PRDM2: variants seen among roughly 807,000 people sequenced by gnomAD.
The protein encoded by PRDM2 is PR/SET domain 2.
In PRDM2, 30 loss-of-function variants were observed where a neutral mutation model predicts 130.0. The observed-to-expected ratio is 0.23, with a 90% CI of 0.17 to 0.31. PRDM2 has a LOEUF of 0.31. Among genes scored for constraint, PRDM2 ranks in the 10% least tolerant of loss-of-function variants. The probability of loss-of-function intolerance (pLI) is 1.00; values close to 1 mark genes in which losing one functional copy is unlikely to be tolerated. For missense variants in PRDM2, 2,011 were observed against 2,108.4 expected, an observed-to-expected ratio of 0.95 and a Z score of 0.90; for synonymous variants, 871 against 782.4, an observed-to-expected ratio of 1.11 and a Z score of -1.89.
At chr1:13,774,468 C>T (rs1163906998) in intron 7 of PRDM2, among the ~76,000 whole-genome samples, 13 of 152,180 alleles carry the variant, frequency 8.5e-5, no homozygotes, top group Non-Finnish European at 1.9e-4. Context: ...TTCTGTGAAA[C>T]AAGAATAGTC....
chr1:13,723,019 G>A lies in PRDM2; in HGVS notation c.9+7405G>A, dbSNP rs115726783. ...GAGTCCAGCTCTTTGCCCTGCCTTGGTTTTGCATGTTCCAGTGGTGGCTGC... is the reference window on the plus strand; with the variant it reads ...GAGTCCAGCTCTTTGCCCTGCCTTGATTTTGCATGTTCCAGTGGTGGCTGC... On this transcript the variant is annotated intron_variant, in intron 2 of 9. Transcript: ENST00000311066. Among the ~76,000 whole-genome samples, 819 of 152,216 alleles carry A rather than the reference G, an allele frequency of 5.4e-3. 10 individuals are homozygous for A. The highest frequency in any genetic ancestry group is 0.018 in the African/African-American group (758 of 41,534).
At chr1:13,755,388 C>G (rs1643923476) in intron 6 of PRDM2, among the ~76,000 whole-genome samples, 2 of 152,166 alleles carry the variant, frequency 1.3e-5, no homozygotes, top group Middle Eastern at 6.8e-3. Flanking sequence ...ATGCTGTGCC[C>G]TATTTTTAGG....
intron 8 of PRDM2, among the ~76,000 whole-genome samples, chr1:13,797,484 C>T (rs1255926803): frequency 2.0e-5 from 3 of 152,160 alleles, no homozygotes; most frequent in Non-Finnish European, 4.4e-5. Context: ...GGTTTATATC[C>T]TTTGAAAGCA....
At chr1:13,801,411 T>C (rs1343978646) in intron 8 of PRDM2, among the ~76,000 whole-genome samples, 3 of 150,190 alleles carry the variant, frequency 2.0e-5, no homozygotes, top group Admixed American at 6.6e-5. Flanking sequence ...CTGTCTCCTC[T>C]TCTTAGGAAT....
chr1:13,791,170 C>T (rs917803281), intron 8 of PRDM2, among the ~76,000 whole-genome samples: 2 of 151,778 alleles, frequency 1.3e-5, no homozygotes, highest in African/African-American at 4.8e-5. Flanking sequence ...GGACGCAGTA[C>T]CTTCTCCATA....
intron 1 of PRDM2, among the ~76,000 whole-genome samples, chr1:13,710,268 C>T (rs1358410341): frequency 6.6e-6 from 1 of 152,158 alleles, no homozygotes; most frequent in African/African-American, 2.4e-5. Context: ...AAAGGGCTGT[C>T]CCACATGTGT....
intron 1 of PRDM2, among the ~76,000 whole-genome samples, chr1:13,713,655 A>G (rs1275895155): frequency 1.3e-5 from 2 of 152,186 alleles, no homozygotes; most frequent in Non-Finnish European, 2.9e-5. Flanking sequence ...CTGTTCCTCA[A>G]AGAGAACTCC....
Position 13,788,826 on chromosome 1 carries a change from CCT to C in PRDM2, c.5036+5996_5036+5997del, listed in dbSNP as rs1644792831. ...CCATCTGCTGGCCGTTCATCCCTTC[CCT>C]GTGCCTTCAGTAAACGGGCCTCCAA... is the stretch of plus-strand genomic sequence containing the variant. On this transcript the variant is annotated intron_variant, in intron 8 of 9. Coordinates refer to ENST00000311066, the MANE Select transcript of PRDM2 (RefSeq NM_001393986.1). 2.0e-5 allele frequency among the ~76,000 whole-genome samples: 3 copies of C among 152,208 alleles called. No homozygotes were observed. The South Asian group carries it at 6.2e-4, about 31-fold the overall frequency.
intron 7 of PRDM2, among the ~76,000 whole-genome samples, chr1:13,778,151 C>T (rs1255579578): frequency 2.6e-5 from 4 of 152,186 alleles, no homozygotes; most frequent in Admixed American, 2.0e-4. Context: ...CACGGACATC[C>T]TTGTCTGTTG....
rs763876240 is a variant in PRDM2, at chr1:13,779,737, C to T, written c.1942C>T (p.Pro648Ser). Residue 648 changes from proline (P) to serine (S), a missense_variant, in exon 8 of 10, where the codon CCC (proline) becomes TCC (serine). Pro to Ser is a moderately conservative substitution (Grantham distance 74). Coordinates refer to ENST00000311066, the MANE Select transcript of PRDM2 (RefSeq NM_001393986.1). This position sits in a 1 kb window ranked among gnomAD's most constrained non-coding sequence, Gnocchi z 4.9. Reference sequence around the variant, plus strand: ...GAGAACTGCGAGCCCACCTGCACTGCCCAAAATTAAGGCCGAAACAGACTC... The same window carrying T: ...GAGAACTGCGAGCCCACCTGCACTGTCCAAAATTAAGGCCGAAACAGACTC... ...KRRTASPPAL[P>S]KIKAETDSDP... The T allele has an allele frequency of 1.2e-6, 2 of 1,614,050 alleles. No individual in the cohort carries two copies. Among genetic ancestry groups the T allele is most frequent in the Admixed American group, 3.3e-5 (2 of 60,000 alleles).
At chr1:13,751,976 C>CTCCCG (rs1270607409) in intron 6 of PRDM2, among the ~76,000 whole-genome samples, 1 of 152,040 alleles carries the variant, frequency 6.6e-6, no homozygotes, top group African/African-American at 2.4e-5. Flanking sequence ...CTCCCCTCCC[C>CTCCCG]TCCCCATATT....
intron 6 of PRDM2, among the ~76,000 whole-genome samples, chr1:13,754,623 C>T (rs575377225): frequency 6.6e-5 from 10 of 152,222 alleles, no homozygotes; most frequent in African/African-American, 9.6e-5. Flanking sequence ...AGAGAGTGGA[C>T]GGGCTTCCGT....
intron 8 of PRDM2, among the ~76,000 whole-genome samples, chr1:13,795,044 AAGTG>A (rs950840281): frequency 6.6e-6 from 1 of 152,198 alleles, no homozygotes; most frequent in Non-Finnish European, 1.5e-5. Context: ...TTCCAATTCA[AAGTG>A]AGAAAAAAGA....
At position 13,779,408 on chromosome 1, in the gene PRDM2, A is replaced by G. The variant is rs771546638; in HGVS notation, c.1613A>G (p.Tyr538Cys). 7 of 1,614,094 alleles carry G rather than the reference A, an allele frequency of 4.3e-6. No homozygotes were observed. The Admixed American group carries it at 8.3e-5, about 19-fold the overall frequency. The change falls in exon 8 of 10, where the codon TAT (tyrosine) becomes TGT (cysteine). Residue 538 changes from tyrosine to cysteine, a missense_variant. By Grantham distance (194) the Tyr-to-Cys change is radical. Around this residue, in one of 5 missense-constraint regions of PRDM2, gnomAD observed 1,288 missense variants for 1,237.7 expected, o/e 1.04. Coordinates refer to ENST00000311066, the MANE Select transcript of PRDM2 (RefSeq NM_001393986.1). The surrounding 1 kb of genome is among the most constrained non-coding windows in gnomAD (Gnocchi z 4.9). ...AEQAQATQNV[Y>C]VPSTEPEEEG... ...CAGGCCCAGGCCACCCAGAACGTGT[A>G]TGTACCAAGCACAGAGCCGGAGGAG...
intron 8 of PRDM2, among the ~76,000 whole-genome samples, chr1:13,808,123 CTAT>C (rs1645113183): frequency 6.6e-6 from 1 of 152,168 alleles, no homozygotes; most frequent in Non-Finnish European, 1.5e-5. Context: ...AACCCTGCTA[CTAT>C]GTTTAAAATG....
intron 4 of PRDM2, among the ~76,000 whole-genome samples, chr1:13,733,873 C>T (rs922018135): frequency 1.3e-5 from 2 of 152,170 alleles, no homozygotes; most frequent in Non-Finnish European, 2.9e-5. Context: ...TTGTCTGAAA[C>T]TGAATCACAT....
intron 8 of PRDM2, among the ~76,000 whole-genome samples, chr1:13,799,591 G>A (rs1357139950): frequency 1.3e-5 from 2 of 152,144 alleles, no homozygotes; most frequent in African/African-American, 2.4e-5. Context: ...TAGTTTGAGC[G>A]ACCCACCAAT....
intron 6 of PRDM2, among the ~76,000 whole-genome samples, chr1:13,762,075 T>C (rs1644110950): frequency 6.6e-6 from 1 of 152,264 alleles, no homozygotes; most frequent in African/African-American, 2.4e-5. Flanking sequence ...ATTTGTTTAG[T>C]AGCATCTGTG....
chr1:13,708,022 T>G (rs1246471705), intron 1 of PRDM2, among the ~76,000 whole-genome samples: 2 of 152,096 alleles, frequency 1.3e-5, no homozygotes, highest in African/African-American at 4.8e-5. Context: ...GTGTATAAAT[T>G]TAATCAAAAG....
Sources: allele counts gnomAD v4.1 joint callset (sites outside exome capture counted in the v4.1 genomes callset), GRCh38; gene constraint gnomAD v4.1.1; regional missense constraint gnomAD v4.1.1; non-coding constraint Gnocchi (gnomAD v3.1); transcripts MANE v1.5; gene names NCBI Gene and HGNC (gene_info 2026-07-23, HGNC 2026-07-21).